NBPF10: variants seen among roughly 807,000 people sequenced by gnomAD.
The protein encoded by NBPF10 is NBPF member 10.
In NBPF10, 63 loss-of-function variants were observed where a neutral mutation model predicts 77.9. That is an observed-to-expected ratio of 0.81 (90% CI 0.66 to 1.00). The LOEUF (loss-of-function observed/expected upper bound fraction) is 1.00. NBPF10 is among the 50% of genes least tolerant of loss of function. The pLI, the probability that NBPF10 is intolerant of heterozygous loss-of-function variation, is 0.00. For synonymous variants in NBPF10, 146 were observed against 264.5 expected, an observed-to-expected ratio of 0.55 and a Z score of 4.35; for missense variants, 522 against 679.8, an observed-to-expected ratio of 0.77 and a Z score of 2.58.
Position 146,142,866 on chromosome 1 carries a change from G to C in NBPF10, c.176-114C>G, listed in dbSNP as rs76177986. 7.5e-3 allele frequency: 4,212 copies of C among 559,384 alleles called. 633 individuals carry two copies. Among genetic ancestry groups the C allele is most frequent in the Non-Finnish European group, 0.01 (3,163 of 315,244 alleles). The allele number at this position is 559,384 out of a possible 1,614,324, so 34.7% of individuals were successfully genotyped here. A position where few individuals can be genotyped will look rare whatever the true frequency, so the allele number is the denominator to read the frequency against. On this transcript the variant is annotated intron_variant, in intron 1 of 89. Transcript: ENST00000583866. ...AAGGACAAAACTCTCCCCAGTACCA[G>C]GGTCTAGACAGGGATTTCCACATCT...
chr1:146,066,757 C>CAG (rs782490649), intron 89 of NBPF10, among the ~76,000 whole-genome samples, 196 bp from the exon 90 acceptor site: 21 of 150,644 alleles, frequency 1.4e-4, no homozygotes, highest in African/African-American at 4.9e-4. Context: ...AAGAGAAAGA[C>CAG]AGAGAGAGAG....
chr1:146,125,803 C>G (rs1455263427), intron 14 of NBPF10, among the ~76,000 whole-genome samples: 22 of 148,152 alleles, frequency 1.5e-4, no homozygotes, highest in South Asian at 4.3e-4. Flanking sequence ...CGATTTAAAG[C>G]AAATGCCCCC....
chr1:146,126,232 T>C lies in NBPF10; in HGVS notation c.2026+4A>G, dbSNP rs2102169054. 2 of 1,597,528 alleles carry C rather than the reference T, an allele frequency of 1.3e-6. No individual in the cohort carries two copies. The highest frequency in any genetic ancestry group is 2.7e-5 in the African/African-American group (2 of 74,432). ...CCTTATCACCTTCATAGAAAGGTAC[T>C]CACCATCCATGTCAATAGCCAAGCC... On this transcript the variant is annotated splice_donor_region_variant and intron_variant, in intron 14 of 89. Transcript: ENST00000583866.
At chr1:146,113,987 C>T (rs1183219822) in intron 29 of NBPF10, among the ~76,000 whole-genome samples, 163 bp from the exon 30 acceptor site, 1 of 9,264 alleles carries the variant, frequency 1.1e-4, no homozygotes, top group Non-Finnish European at 2.6e-4. Context: ...CAGAACAGGG[C>T]CAAATGGAAA....
chr1:146,081,024 C>CAG (rs1656263342), intron 71 of NBPF10, among the ~76,000 whole-genome samples: 1 of 80,652 alleles, frequency 1.2e-5, no homozygotes, highest in African/African-American at 3.3e-5. Context: ...CACACACACA[C>CAG]ACACACAGAG....
intron 3 of NBPF10, among the ~76,000 whole-genome samples, 180 bp downstream of exon 3, chr1:146,141,424 A>G (rs1553797292): frequency 9.2e-6 from 1 of 108,694 alleles, no homozygotes; most frequent in Non-Finnish European, 2.2e-5. Context: ...CAATACTGTG[A>G]CCTCCAAACC....
At chr1:146,138,930 G>A (rs1247068644) in intron 5 of NBPF10, among the ~76,000 whole-genome samples, 7 of 141,830 alleles carry the variant, frequency 4.9e-5, no homozygotes, top group African/African-American at 1.7e-4. Flanking sequence ...GATTACAAGC[G>A]CCAAGTAACA....
At chr1:146,139,126 G>A (rs1317053848) in intron 5 of NBPF10, among the ~76,000 whole-genome samples, 15 of 129,844 alleles carry the variant, frequency 1.2e-4, no homozygotes, top group Non-Finnish European at 1.6e-5. Context: ...TTGAGATGGA[G>A]TCTCGCTCTG....
In NBPF10 at chr1:146,134,239, C is replaced by T. The variant is rs200417394; in HGVS notation, c.1333G>A (p.Val445Ile). ...ACTTTCTCAGCCACCTCAACTTGAA[C>T]ATCTTCATCGTCATCGTTGTCATTT... Residue 445 changes from valine to isoleucine, a missense_variant, in exon 9 of 90, where the codon GTT becomes ATT. Val to Ile is a conservative substitution (Grantham distance 29, BLOSUM62 3). This residue lies in a region of NBPF10 where 45 missense variants were observed against 121.0 expected (regional missense o/e 0.37). Transcript: ENST00000583866. 2.7e-5 allele frequency: 43 copies of T among 1,598,678 alleles called. 1 individual carries two copies. The South Asian group carries it at 4.5e-4, about 17-fold the overall frequency.
At chr1:146,080,974 GAC>G (rs369325772) in intron 71 of NBPF10, among the ~76,000 whole-genome samples, 197 bp from the exon 72 acceptor site, 9,853 of 44,960 alleles carry the variant, frequency 0.22, 314 homozygotes, top group Admixed American at 0.27. Context: ...AAGACAGATA[GAC>G]ACACACACAC....
intron 71 of NBPF10, among the ~76,000 whole-genome samples, 195 bp from the exon 72 acceptor site, chr1:146,080,972 TAG>T (rs1656239317): frequency 5.0e-5 from 1 of 20,144 alleles, no homozygotes. Flanking sequence ...GAAAGACAGA[TAG>T]ACACACACAC....
intron 1 of NBPF10, 127 bp from the exon 2 acceptor site, chr1:146,142,879 G>A (rs1660444300): frequency 1.9e-6 from 1 of 516,544 alleles, no homozygotes. Flanking sequence ...TCTAGACAGG[G>A]ATTTCCACAT....
rs1210420487 is a variant in NBPF10 at position 146,134,499 on chromosome 1, TG to T, written c.1307-235del. Among the ~76,000 whole-genome samples the T allele has an allele frequency of 7.3e-3, 788 of 107,284 alleles. 11 individuals carry two copies. The highest frequency in any genetic ancestry group is 0.033 in the African/African-American group (750 of 22,636). The allele number at this position is 107,284 out of a possible 152,430, so 70.4% of individuals were successfully genotyped here. A position where few individuals can be genotyped will look rare whatever the true frequency, so the allele number is the denominator to read the frequency against. Reference sequence around the variant, plus strand: ...GTGGCCAAATATTGAAAAGACCTTTTGCTTCCCATATCACTGGAGGCTTGTG... The same window carrying T: ...GTGGCCAAATATTGAAAAGACCTTTTCTTCCCATATCACTGGAGGCTTGTG... On this transcript the variant is annotated intron_variant, in intron 8 of 89. Transcript: ENST00000583866.
intron 5 of NBPF10, among the ~76,000 whole-genome samples, chr1:146,138,854 A>T (rs1659978830): frequency 7.0e-6 from 1 of 143,310 alleles, no homozygotes; most frequent in Non-Finnish European, 1.6e-5. Context: ...GCACAATCTC[A>T]GCTCACTGCC....
At chr1:146,142,142 A>G (rs1553797626) in intron 2 of NBPF10, among the ~76,000 whole-genome samples, 2 of 122,788 alleles carry the variant, frequency 1.6e-5, no homozygotes, top group African/African-American at 5.3e-5. Context: ...TTTCCATGTG[A>G]AAATACACAT....
chr1:146,067,608 T>G (rs1269701342), intron 88 of NBPF10, among the ~76,000 whole-genome samples: 1 of 150,596 alleles, frequency 6.6e-6, no homozygotes, highest in African/African-American at 2.5e-5. Context: ...GGAGAAAAAC[T>G]GCAATATTTA....
At chr1:146,066,876 C>A (rs1308237461) in intron 89 of NBPF10, among the ~76,000 whole-genome samples, 14 of 150,118 alleles carry the variant, frequency 9.3e-5, no homozygotes, top group African/African-American at 2.9e-4. Context: ...TCATGACACA[C>A]AGCAAACAGT....
chr1:146,067,921 G>C lies in NBPF10; in HGVS notation c.11035+82C>G, dbSNP rs587680207. On this transcript the variant is annotated intron_variant, in intron 88 of 89. Coordinates refer to ENST00000583866, the Ensembl canonical transcript of NBPF10. ...TGCGGCAATGACGTCTCTCGGGTCA[G>C]CAAGGGCCACTTGGAATAGGAATAT... The C allele has an allele frequency of 3.9e-4, 278 of 708,364 alleles. 3 individuals carry two copies. In the Middle Eastern group the frequency reaches 9.5e-3, roughly 24 times the overall value. 43.9% of individuals were successfully genotyped at this position (708,364 alleles called of 1,614,324 possible). A position where few individuals can be genotyped will look rare whatever the true frequency, so the allele number is the denominator to read the frequency against.
In NBPF10 at chr1:146,067,985, T is replaced by A. The variant is rs1553778433; in HGVS notation, c.11035+18A>T. 1.8e-6 allele frequency: 1 copy of A among 554,072 alleles called. No individual in the cohort carries two copies. 34.3% of individuals were successfully genotyped at this position (554,072 alleles called of 1,614,324 possible). ...AAGACCAGGTGGAGGCTTATCACCT[T>A]CACAGTAAGGTACTCACTGTCCACG... On this transcript the variant is annotated intron_variant, in intron 88 of 89. Transcript: ENST00000583866.
Sources: gnomAD v4.1 joint callset for allele counts (sites outside exome capture counted in the v4.1 genomes callset) on GRCh38, gnomAD v4.1.1 for gene constraint, gnomAD v4.1.1 regional missense constraint, MANE v1.5 for transcripts, NCBI Gene and HGNC (gene_info 2026-07-23, HGNC 2026-07-21) for gene names.